CNTNAP5: variants seen among roughly 807,000 people sequenced by gnomAD.
CNTNAP5 encodes the protein contactin-associated protein-like 5.
A neutral mutation model predicts 150.2 loss-of-function variants in CNTNAP5; 72 were observed. The observed-to-expected ratio is 0.48, with a 90% CI of 0.40 to 0.58. CNTNAP5 has a LOEUF of 0.58. Ranked by LOEUF, CNTNAP5 falls within the 20% of genes least tolerant of loss-of-function variation. CNTNAP5 has a pLI of 0.00. For synonymous variants in CNTNAP5, 672 were observed against 619.8 expected, an observed-to-expected ratio of 1.08 and a Z score of -1.25; for missense variants, 1,636 against 1,626.2, an observed-to-expected ratio of 1.01 and a Z score of -0.10.
At position 124,083,141 on chromosome 2, in the gene CNTNAP5, A is replaced by G. The variant is rs545655981; in HGVS notation, c.82+57409A>G. ...TAAGAGGGCAGATCATGAGGCCAAG[A>G]GTTCAAGACCAGTCTGACCAACATG... On this transcript the variant is annotated intron_variant, in intron 1 of 23. Coordinates refer to ENST00000682447, the MANE Select transcript of CNTNAP5 (RefSeq NM_001367498.1). Among the ~76,000 whole-genome samples, 328 of 152,326 alleles carry G rather than the reference A, an allele frequency of 2.2e-3. 1 individual carries two copies. The Middle Eastern group carries it at 0.034, about 16-fold the overall frequency.
chr2:124,846,133 T>C (rs1683042743), intron 19 of CNTNAP5, among the ~76,000 whole-genome samples: 1 of 152,158 alleles, frequency 6.6e-6, no homozygotes, highest in Non-Finnish European at 1.5e-5. Flanking sequence ...CTTTTTAATG[T>C]AGACATTTAA....
chr2:124,333,315 A>T (rs1441172199), intron 3 of CNTNAP5, among the ~76,000 whole-genome samples: 1 of 152,098 alleles, frequency 6.6e-6, no homozygotes, highest in Non-Finnish European at 1.5e-5. Context: ...CAAAAAAACA[A>T]AATAAAAGGA....
intron 22 of CNTNAP5, among the ~76,000 whole-genome samples, chr2:124,904,845 A>T (rs1678497743): frequency 6.6e-6 from 1 of 151,876 alleles, no homozygotes; most frequent in African/African-American, 2.4e-5. Context: ...CATGACACCA[A>T]AAGTATGATC....
rs138297089 is a variant in CNTNAP5 at position 124,655,624 on chromosome 2, G to A, written c.2077+7666G>A. On this transcript the variant is annotated intron_variant, in intron 13 of 23. Transcript: ENST00000682447. ...TATAATAAACCCAGGTGGACTGGGT[G>A]CCATGGCTTACACCTTTAATCCCAG... 1.1e-3 allele frequency among the ~76,000 whole-genome samples: 169 copies of A among 151,916 alleles called. 4 individuals are homozygous for A. The East Asian group carries it at 0.016, about 14-fold the overall frequency.
At chr2:124,662,835 T>C (rs1349235001) in intron 13 of CNTNAP5, among the ~76,000 whole-genome samples, 10 of 152,252 alleles carry the variant, frequency 6.6e-5, no homozygotes, top group Non-Finnish European at 1.3e-4. Context: ...CTTACCTATA[T>C]ATTATTGCAT....
At chr2:124,470,860 C>T (rs557753859) in intron 6 of CNTNAP5, among the ~76,000 whole-genome samples, 29 of 152,014 alleles carry the variant, frequency 1.9e-4, no homozygotes, top group Middle Eastern at 3.4e-3. Context: ...TCAGTTTTGT[C>T]GAAGATCAGA....
At chr2:124,307,257 G>A (rs1467198966) in intron 3 of CNTNAP5, among the ~76,000 whole-genome samples, 1 of 152,174 alleles carries the variant, frequency 6.6e-6, no homozygotes, top group African/African-American at 2.4e-5. Flanking sequence ...GAGAAAGAGA[G>A]AGAGAGAGAT....
intron 3 of CNTNAP5, among the ~76,000 whole-genome samples, chr2:124,360,443 G>A (rs1690166595): frequency 6.8e-6 from 1 of 146,290 alleles, no homozygotes; most frequent in South Asian, 2.2e-4. Context: ...GCAGCGGCTG[G>A]TACCGGTTGT....
At chr2:124,750,533 T>G (rs2105148960) in intron 14 of CNTNAP5, among the ~76,000 whole-genome samples, 1 of 152,320 alleles carries the variant, frequency 6.6e-6, no homozygotes, top group African/African-American at 2.4e-5. Flanking sequence ...GATTTATCAC[T>G]TACTTAGTGC....
intron 19 of CNTNAP5, among the ~76,000 whole-genome samples, chr2:124,840,738 T>G (rs1682928307): frequency 6.6e-6 from 1 of 152,098 alleles, no homozygotes; most frequent in Non-Finnish European, 1.5e-5. Context: ...GTTACACGAT[T>G]TGTTAATGAT....
At chr2:124,809,621 T>C (rs908118270) in intron 19 of CNTNAP5, among the ~76,000 whole-genome samples, 3 of 151,738 alleles carry the variant, frequency 2.0e-5, no homozygotes, top group Non-Finnish European at 2.9e-5. Flanking sequence ...GAAATAACTT[T>C]TGGAAATGTG....
chr2:124,622,320 A>G (rs982397337), intron 12 of CNTNAP5, among the ~76,000 whole-genome samples: 2 of 152,158 alleles, frequency 1.3e-5, no homozygotes, highest in Non-Finnish European at 2.9e-5. Context: ...TTATTGCTGC[A>G]TAGTATTCCA....
At chr2:124,729,282 AT>A (rs1379560477) in intron 13 of CNTNAP5, among the ~76,000 whole-genome samples, 2 of 152,126 alleles carry the variant, frequency 1.3e-5, no homozygotes, top group African/African-American at 4.8e-5. Flanking sequence ...AAATATTTTT[AT>A]TAATGTAATA....
chr2:124,494,002 A>T (rs944063226), intron 7 of CNTNAP5, among the ~76,000 whole-genome samples: 35 of 126,458 alleles, frequency 2.8e-4, no homozygotes, highest in African/African-American at 1.0e-3. Context: ...ACACACACAC[A>T]CTCCACTTCC....
intron 1 of CNTNAP5, among the ~76,000 whole-genome samples, chr2:124,069,631 C>A (rs1474129437): frequency 6.6e-6 from 1 of 152,086 alleles, no homozygotes; most frequent in Non-Finnish European, 1.5e-5. Context: ...TAGCTCCAGG[C>A]AGCTCATCAC....
chr2:124,720,471 A>G (rs1013280762), intron 13 of CNTNAP5, among the ~76,000 whole-genome samples: 1 of 152,200 alleles, frequency 6.6e-6, no homozygotes, highest in Non-Finnish European at 1.5e-5. Flanking sequence ...TGATTTAACC[A>G]GAAATAACTT....
At chr2:124,237,095 C>T (rs1686769603) in intron 2 of CNTNAP5, among the ~76,000 whole-genome samples, 1 of 152,100 alleles carries the variant, frequency 6.6e-6, no homozygotes, top group Non-Finnish European at 1.5e-5. Flanking sequence ...CGCCATTGCA[C>T]TCCAGCCTGG....
intron 3 of CNTNAP5, among the ~76,000 whole-genome samples, chr2:124,254,524 G>C (rs1309085198): frequency 2.6e-5 from 4 of 152,172 alleles, no homozygotes; most frequent in Non-Finnish European, 4.4e-5. Flanking sequence ...GGGTTACTAA[G>C]TAACATGACA....
chr2:124,378,473 G>A (rs1040437198), intron 3 of CNTNAP5, among the ~76,000 whole-genome samples: 1 of 151,980 alleles, frequency 6.6e-6, no homozygotes, highest in East Asian at 1.9e-4. Context: ...TATTATCAAT[G>A]TAAAACAGTA....
Sources: allele counts gnomAD v4.1 joint callset (sites outside exome capture counted in the v4.1 genomes callset), GRCh38; gene constraint gnomAD v4.1.1; transcripts MANE v1.5; gene names NCBI Gene and HGNC (gene_info 2026-07-23, HGNC 2026-07-21).